TRAK2: variants seen among roughly 807,000 people sequenced by gnomAD.
TRAK2 encodes trafficking kinesin-binding protein 2.
TRAK2 carries 81 observed loss-of-function variants against 104.6 expected under a neutral mutation model. The observed-to-expected ratio is 0.77, with a 90% CI of 0.65 to 0.93. The LOEUF is 0.93. Among genes scored for constraint, TRAK2 ranks in the 40% least tolerant of loss-of-function variants. TRAK2 has a pLI of 0.00. For synonymous variants in TRAK2, 406 were observed against 394.4 expected, an observed-to-expected ratio of 1.03 and a Z score of -0.35; for missense variants, 1,002 against 1,089.0, an observed-to-expected ratio of 0.92 and a Z score of 1.12.
At chr2:201,417,337 A>G (rs749604535) in intron 2 of TRAK2, among the ~76,000 whole-genome samples, 8 of 151,854 alleles carry the variant, frequency 5.3e-5, no homozygotes, top group Non-Finnish European at 1.2e-4. Context: ...ACACACACAT[A>G]TACACACACT....
At chr2:201,440,996 C>G (rs1446751582) in intron 1 of TRAK2, among the ~76,000 whole-genome samples, 1 of 152,172 alleles carries the variant, frequency 6.6e-6, no homozygotes, top group East Asian at 1.9e-4. Context: ...ACACAGTAGT[C>G]TTGCAAAATA....
chr2:201,384,000 A>G, intron 15 of TRAK2, 111 bp downstream of exon 15: 1 of 741,042 alleles, frequency 1.3e-6, no homozygotes, highest in Non-Finnish European at 2.3e-6. Context: ...ACATTATCAC[A>G]GAACATTAAT....
chr2:201,420,181 G>A (rs58718834), intron 2 of TRAK2, among the ~76,000 whole-genome samples: 9,574 of 152,158 alleles, frequency 0.063, 633 homozygotes, highest in East Asian at 0.26. Context: ...ACTACTCACC[G>A]GGGGTTCAAG....
intron 12 of TRAK2, 35 bp downstream of exon 12, chr2:201,389,265 G>T: frequency 6.3e-7 from 1 of 1,591,004 alleles, no homozygotes; most frequent in South Asian, 1.1e-5. Context: ...AATGTGAAAA[G>T]AAATGCAGAA....
intron 1 of TRAK2, among the ~76,000 whole-genome samples, chr2:201,438,746 C>G (rs1186608231): frequency 2.0e-5 from 3 of 152,120 alleles, no homozygotes; most frequent in Non-Finnish European, 4.4e-5. Flanking sequence ...GTAATCCGCT[C>G]CCCCCAACCA....
In TRAK2 at chr2:201,381,080, A is replaced by G. The variant is rs749521897; in HGVS notation, c.2208T>C (p.Ser736=). Residue 736 remains serine (S), a synonymous_variant, in exon 16 of 16, where the codon AGT becomes AGC. Coordinates refer to ENST00000332624, the MANE Select transcript of TRAK2 (RefSeq NM_015049.3). ...GAAGTTTGGCCAAGCTCATGGTGCTACTGAAGGTTGTAGTGGAATCTCGTC... is the reference window on the plus strand; with the variant it reads ...GAAGTTTGGCCAAGCTCATGGTGCTGCTGAAGGTTGTAGTGGAATCTCGTC... ...TNRRDSTTTF[S]STMSLAKLLQ... 6.2e-7 allele frequency: 1 copy of G among 1,614,100 alleles called. No individual in the cohort carries two copies. Among genetic ancestry groups the G allele is most frequent in the Admixed American group, 1.7e-5 (1 of 59,998 alleles).
At chr2:201,442,370 G>T (rs1398205339) in intron 1 of TRAK2, among the ~76,000 whole-genome samples, 5 of 144,216 alleles carry the variant, frequency 3.5e-5, no homozygotes, top group African/African-American at 1.2e-4. Flanking sequence ...CAGCCTGGGC[G>T]ACAGCAAGAC....
intron 10 of TRAK2, among the ~76,000 whole-genome samples, chr2:201,390,139 G>T (rs1288997239): frequency 2.0e-5 from 3 of 152,112 alleles, no homozygotes; most frequent in African/African-American, 7.2e-5. Context: ...AAAACAAAAG[G>T]TCTGAAAGGC....
chr2:201,403,393 C>T (rs1252056357), intron 3 of TRAK2, among the ~76,000 whole-genome samples: 1 of 152,098 alleles, frequency 6.6e-6, no homozygotes, highest in East Asian at 1.9e-4. Flanking sequence ...GATAATAACG[C>T]TCATCTCACA....
intron 3 of TRAK2, among the ~76,000 whole-genome samples, chr2:201,405,970 C>A (rs1257529898): frequency 1.3e-5 from 2 of 152,040 alleles, no homozygotes; most frequent in Non-Finnish European, 2.9e-5. Context: ...GGCAACAGAA[C>A]GAGACTCCGT....
chr2:201,449,325 A>G (rs1951990953), intron 1 of TRAK2, among the ~76,000 whole-genome samples: 1 of 152,216 alleles, frequency 6.6e-6, no homozygotes, highest in Admixed American at 6.5e-5. Flanking sequence ...ACTTGGAAGC[A>G]AGGCAGATCT....
chr2:201,422,657 C>CA (rs140786624), intron 1 of TRAK2, among the ~76,000 whole-genome samples: 6,006 of 152,144 alleles, frequency 0.039, 396 homozygotes, highest in African/African-American at 0.14. Context: ...AAACGTTATA[C>CA]AAAGTCAAAG....
At position 201,395,313 on chromosome 2, in the gene TRAK2, CTTCT is replaced by C; in HGVS notation, c.897_900del (p.Lys299AsnfsTer3). 6.2e-7 allele frequency: 1 copy of C among 1,601,036 alleles called. No homozygotes were observed. Among genetic ancestry groups the C allele is most frequent in the Non-Finnish European group, 8.5e-7 (1 of 1,170,300 alleles). On this transcript the variant is annotated frameshift_variant and splice_region_variant, in exon 8 of 16. Coordinates refer to ENST00000332624, the MANE Select transcript of TRAK2 (RefSeq NM_015049.3). LOFTEE classifies it high-confidence loss of function. Reference sequence around the variant, plus strand: ...TCTGTTGAATGAATGAATAAACCTACTTCTTTAAGTTTGTGCTGAAGGTCTACAA... The same window carrying C: ...TCTGTTGAATGAATGAATAAACCTACTTAAGTTTGTGCTGAAGGTCTACAA...
intron 2 of TRAK2, chr2:201,419,157 G>C (rs1303420028): frequency 6.6e-6 from 1 of 152,198 alleles, no homozygotes; most frequent in Non-Finnish European, 1.5e-5. Flanking sequence ...ACTAAAATCA[G>C]AGATACCAGT....
At chr2:201,390,456 C>A (rs1403184729) in intron 10 of TRAK2, among the ~76,000 whole-genome samples, 2 of 146,678 alleles carry the variant, frequency 1.4e-5, no homozygotes, top group East Asian at 4.0e-4. Context: ...CCCAGCTACT[C>A]GGGAGGCTGA....
At chr2:201,408,077 C>A (rs1644750897) in intron 2 of TRAK2, among the ~76,000 whole-genome samples, 1 of 152,106 alleles carries the variant, frequency 6.6e-6, no homozygotes, top group Admixed American at 6.5e-5. Flanking sequence ...CTTAAGAACA[C>A]CAGAACTTAT....
At position 201,388,008 on chromosome 2, in the gene TRAK2, G is replaced by GA. The variant is rs1342572700; in HGVS notation, c.1398-8dup. ...GCCCATCTTCTGGGAGCTCCTATAG[G>GA]AAAATCGCGTTCACTGATTAGATCT... is the stretch of plus-strand genomic sequence containing the variant. On this transcript the variant is annotated splice_polypyrimidine_tract_variant and splice_region_variant and intron_variant, in intron 12 of 15. Transcript: ENST00000332624. 6.2e-7 allele frequency: 1 copy of GA among 1,613,856 alleles called. No individual in the cohort carries two copies. The highest frequency in any genetic ancestry group is 2.2e-5 in the East Asian group (1 of 44,890).
chr2:201,411,315 T>C (rs2125651028), intron 2 of TRAK2: 1 of 757,450 alleles, frequency 1.3e-6, no homozygotes, highest in South Asian at 1.3e-5. Flanking sequence ...TGCTCTTTTA[T>C]GTTTATTCTG....
chr2:201,386,533 A>T, intron 13 of TRAK2, 49 bp from the exon 14 acceptor site: 3 of 1,595,396 alleles, frequency 1.9e-6, no homozygotes, highest in Non-Finnish European at 1.7e-6. Flanking sequence ...TACATTTCCC[A>T]CAAATCTTAA....
Sources: gnomAD v4.1 joint callset for allele counts (sites outside exome capture counted in the v4.1 genomes callset) on GRCh38, gnomAD v4.1.1 for gene constraint, MANE v1.5 for transcripts, NCBI Gene and HGNC (gene_info 2026-07-23, HGNC 2026-07-21) for gene names.